CIMAP2: variants seen among roughly 807,000 people sequenced by gnomAD.
CIMAP2 encodes the protein ciliary microtubule-associated protein 2.
the CIMAP2 span, chr1:54,806,273 C>T: frequency 6.3e-6 from 9 of 1,438,294 alleles, no homozygotes; most frequent in Admixed American, 8.5e-5. Context: ...GCAGCTGCTG[C>T]CCACCCCGAA....
At chr1:54,807,939 G>C in the CIMAP2 span, 2 of 1,609,568 alleles carry the variant, frequency 1.2e-6, no homozygotes, top group Non-Finnish European at 1.7e-6. Flanking sequence ...TCTTAGAACA[G>C]CTGCGGGAGA....
At chr1:54,811,766 C>CGGGGGGGGGGGGGGGGG in the CIMAP2 span, 29 of 1,305,170 alleles carry the variant, frequency 2.2e-5, no homozygotes, top group Non-Finnish European at 2.2e-5. Context: ...GTTCTGACAG[C>CGGGGGGGGGGGGGGGGG]CTCCATGCCC....
the CIMAP2 span, among the ~76,000 whole-genome samples, chr1:54,819,849 T>TTTCC: frequency 4.4e-5 from 5 of 112,938 alleles, no homozygotes; most frequent in African/African-American, 6.7e-5. Flanking sequence ...TCTTTCTTTC[T>TTTCC]TTCCTTCCTT....
At chr1:54,838,919 C>T in the CIMAP2 span, among the ~76,000 whole-genome samples, 1 of 95,626 alleles carries the variant, frequency 1.0e-5, no homozygotes, top group Non-Finnish European at 2.4e-5. Flanking sequence ...AGCCCAGATT[C>T]GAGTGGGGCA....
the CIMAP2 span, chr1:54,811,971 C>G: frequency 6.2e-7 from 1 of 1,614,126 alleles, no homozygotes; most frequent in Non-Finnish European, 8.5e-7. Context: ...GCCTTCCCGT[C>G]CTGCAGGGGC....
chr1:54,828,660 TA>T, the CIMAP2 span, among the ~76,000 whole-genome samples: 3 of 152,226 alleles, frequency 2.0e-5, no homozygotes, highest in Non-Finnish European at 4.4e-5. Context: ...CTTTTTTTTT[TA>T]TTTATTTTAT....
At chr1:54,831,816 T>C in the CIMAP2 span, among the ~76,000 whole-genome samples, 1 of 152,180 alleles carries the variant, frequency 6.6e-6, no homozygotes, top group Non-Finnish European at 1.5e-5. Context: ...TATTTAATCA[T>C]GGTAAACAAT....
the CIMAP2 span, among the ~76,000 whole-genome samples, chr1:54,810,794 C>T: frequency 5.9e-5 from 9 of 152,198 alleles, no homozygotes; most frequent in African/African-American, 2.2e-4. Context: ...CAACCAGTTG[C>T]TAACCTTTCC....
chr1:54,811,767 C>CGGGCGGGGG, the CIMAP2 span: 1 of 1,088,170 alleles, frequency 9.2e-7, no homozygotes, highest in Non-Finnish European at 1.4e-6. Context: ...TTCTGACAGC[C>CGGGCGGGGG]TCCATGCCCC....
chr1:54,819,277 T>C, the CIMAP2 span, among the ~76,000 whole-genome samples: 1 of 152,210 alleles, frequency 6.6e-6, no homozygotes, highest in Admixed American at 6.5e-5. Flanking sequence ...TTGTGGGACC[T>C]GTCTGCCTAC....
At chr1:54,810,627 G>C in the CIMAP2 span, among the ~76,000 whole-genome samples, 1 of 152,226 alleles carries the variant, frequency 6.6e-6, no homozygotes, top group Admixed American at 6.5e-5. Flanking sequence ...GGGCATGGCT[G>C]AGCCATCTAT....
chr1:54,820,112 C>CTT, the CIMAP2 span, among the ~76,000 whole-genome samples: 26 of 8,350 alleles, frequency 3.1e-3, no homozygotes, highest in South Asian at 7.9e-3. Flanking sequence ...TTCTCTCTCT[C>CTT]TCTTTCTTTC....
At chr1:54,829,942 C>T in the CIMAP2 span, among the ~76,000 whole-genome samples, 4 of 151,960 alleles carry the variant, frequency 2.6e-5, no homozygotes, top group South Asian at 4.2e-4. Flanking sequence ...GGTTTTTCCT[C>T]GAATGTCTGG....
the CIMAP2 span, among the ~76,000 whole-genome samples, chr1:54,821,132 A>G: frequency 6.6e-6 from 1 of 152,032 alleles, no homozygotes; most frequent in Admixed American, 6.6e-5. Flanking sequence ...CTGGATATAA[A>G]TTTCTTGTCT....
the CIMAP2 span, chr1:54,841,900 T>G: frequency 6.5e-7 from 1 of 1,547,344 alleles, no homozygotes; most frequent in Non-Finnish European, 8.7e-7. Context: ...CAGCCTGCAG[T>G]GACCAGAGAG....
chr1:54,824,659 G>A, the CIMAP2 span, among the ~76,000 whole-genome samples: 591 of 123,888 alleles, frequency 4.8e-3, 5 homozygotes, highest in African/African-American at 0.015. Context: ...TTGATGTAGT[G>A]TATTGTTGAA....
the CIMAP2 span, among the ~76,000 whole-genome samples, chr1:54,822,339 T>A: frequency 6.6e-6 from 1 of 151,798 alleles, no homozygotes; most frequent in Admixed American, 6.6e-5. Context: ...TGATTTTATG[T>A]TTTCAAAAAA....
chr1:54,837,004 G>A, the CIMAP2 span, among the ~76,000 whole-genome samples: 1 of 152,076 alleles, frequency 6.6e-6, no homozygotes, highest in African/African-American at 2.4e-5. Flanking sequence ...CTTGGAAGAT[G>A]TAATGTTAGG....
chr1:54,819,477 T>G, the CIMAP2 span, among the ~76,000 whole-genome samples: 2 of 152,202 alleles, frequency 1.3e-5, no homozygotes, highest in Non-Finnish European at 2.9e-5. Context: ...AAAGCAATCC[T>G]CACCTTGGTC....
Sources: allele counts gnomAD v4.1 joint callset (sites outside exome capture counted in the v4.1 genomes callset), GRCh38; gene constraint gnomAD v4.1.1; transcripts MANE v1.5; gene names NCBI Gene and HGNC (gene_info 2026-07-23, HGNC 2026-07-21).